The following DICER1 variants were observed in gnomAD, a reference collection of about 807,000 sequenced individuals.
DICER1 encodes endoribonuclease Dicer.
Under a neutral mutation model 194.1 loss-of-function variants are expected in DICER1, and 43 were observed. The ratio of observed to expected loss-of-function variants is 0.22; its 90% CI spans 0.17 to 0.29. DICER1 has a LOEUF of 0.29. DICER1 is among the 10% of genes least tolerant of loss of function. The pLI is 1.00. For synonymous variants in DICER1, 832 were observed against 820.5 expected (o/e 1.01, Z -0.24); for missense variants, 1,608 against 2,317.0 (o/e 0.69, Z 6.28).
chr14:95,146,503 G>T (rs892179950), intron 1 of DICER1, among the ~76,000 whole-genome samples: 4 of 152,150 alleles, frequency 2.6e-5, no homozygotes, highest in Admixed American at 6.5e-5. Flanking sequence ...AACCACCCCC[G>T]CATCCCCTTT....
chr14:95,150,578 G>A (rs73331565), intron 1 of DICER1, among the ~76,000 whole-genome samples: 5,056 of 152,298 alleles, frequency 0.033, 308 homozygotes, highest in African/African-American at 0.12. Context: ...AGGAATGACA[G>A]AAAAGTCACC....
intron 22 of DICER1, among the ~76,000 whole-genome samples, chr14:95,099,513 T>G (rs550728727): frequency 9.9e-4 from 150 of 152,082 alleles, no homozygotes; most frequent in African/African-American, 3.5e-3. Context: ...AGTCAAAACA[T>G]CACATACTCT....
intron 4 of DICER1, 77 bp from the exon 5 acceptor site, chr14:95,130,269 G>T: frequency 7.1e-7 from 1 of 1,400,636 alleles, no homozygotes; most frequent in Non-Finnish European, 1.0e-6. Context: ...AGATCATAGA[G>T]CCATTGTATC....
chr14:95,124,125 T>G lies in DICER1; in HGVS notation c.1376+71A>C, dbSNP rs1893174853. ...CCCTCATGCTAGCTCTTACAGCTGCTGCAGCGCATCACATCACAACACAGG... is the reference window on the plus strand; with the variant it reads ...CCCTCATGCTAGCTCTTACAGCTGCGGCAGCGCATCACATCACAACACAGG... On this transcript the variant is annotated intron_variant, in intron 8 of 26. Coordinates refer to ENST00000343455, the MANE Select transcript of DICER1 (RefSeq NM_177438.3). The surrounding 1 kb of genome is among the most constrained non-coding windows in gnomAD (Gnocchi z 4.5). 8.9e-7 allele frequency: 1 copy of G among 1,127,302 alleles called. No individual in the cohort carries two copies. Among genetic ancestry groups the G allele is most frequent in the Non-Finnish European group, 1.3e-6 (1 of 750,648 alleles). 69.8% of individuals were successfully genotyped at this position (1,127,302 alleles called of 1,614,324 possible).
At chr14:95,133,539 TGC>T in intron 1 of DICER1, 36 bp from the exon 2 acceptor site, 3 of 1,451,086 alleles carry the variant, frequency 2.1e-6, no homozygotes. Context: ...TACACAATCA[TGC>T]AGGGTTAAAA....
At chr14:95,141,033 A>G (rs1174873916) in intron 1 of DICER1, 7 of 152,350 alleles carry the variant, frequency 4.6e-5, no homozygotes, top group Non-Finnish European at 7.4e-5. Flanking sequence ...CAAAGCTAAT[A>G]TAAGGAAATC....
chr14:95,108,074 T>C lies in DICER1; in HGVS notation c.2456A>G (p.Tyr819Cys), dbSNP rs1891612740. The change falls in exon 16 of 27, where the codon TAC (tyrosine) becomes TGC (cysteine). Residue 819 changes from tyrosine (Y) to cysteine (C), a missense_variant. By Grantham distance (194) the Tyr-to-Cys change is radical. Around this residue, in one of 10 missense-constraint regions of DICER1, gnomAD observed 150 missense variants for 216.0 expected, o/e 0.69. Coordinates refer to ENST00000343455, the MANE Select transcript of DICER1 (RefSeq NM_177438.3). ...PIPQIPHFPV[Y>C]TRSGEVTISI... ...TATGGTAACCTCTCCAGAGCGTGTG[T>C]ACACAGGAAAGTGTGGAATCTTAGC... 6.2e-7 allele frequency: 1 copy of C among 1,613,404 alleles called. No homozygotes were observed. The highest frequency in any genetic ancestry group is 2.2e-5 in the East Asian group (1 of 44,852).
chr14:95,099,118 G>T (rs1890626100), intron 22 of DICER1, among the ~76,000 whole-genome samples: 1 of 152,160 alleles, frequency 6.6e-6, no homozygotes. Context: ...TTCGGAAGAG[G>T]CACTAGAACT....
chr14:95,131,804 CA>C lies in DICER1; in HGVS notation c.308-166del, dbSNP rs1473307483. Among the ~76,000 whole-genome samples the C allele has an allele frequency of 3.3e-5, 5 of 152,132 alleles. No homozygotes were observed. The East Asian group carries it at 7.7e-4, about 23-fold the overall frequency. ...AAACCACAGTTCCAAGGTTATCCTC[CA>C]AAAAAATGGCACCTACTAGACTTGC... On this transcript the variant is annotated intron_variant, in intron 3 of 26. Transcript: ENST00000343455.
rs1893175876 is a variant in DICER1, at chr14:95,124,130, C to G, written c.1376+66G>C. ...ATGCTAGCTCTTACAGCTGCTGCAG[C>G]GCATCACATCACAACACAGGACGCC... On this transcript the variant is annotated intron_variant, in intron 8 of 26. Transcript: ENST00000343455. This position sits in a 1 kb window ranked among gnomAD's most constrained non-coding sequence, Gnocchi z 4.5. 8.6e-7 allele frequency: 1 copy of G among 1,168,210 alleles called. No homozygotes were observed. Among genetic ancestry groups the G allele is most frequent in the East Asian group, 2.4e-5 (1 of 42,522 alleles). 72.4% of individuals were successfully genotyped at this position (1,168,210 alleles called of 1,614,324 possible).
intron 22 of DICER1, 43 bp downstream of exon 22, chr14:95,099,737 C>T (rs1409412970): frequency 2.7e-5 from 14 of 522,648 alleles, no homozygotes; most frequent in Non-Finnish European, 3.6e-5. Flanking sequence ...CAGTTACACA[C>T]ACACACACAC....
At chr14:95,129,710 C>T in intron 5 of DICER1, 78 bp from the exon 6 acceptor site, 1 of 1,344,508 alleles carries the variant, frequency 7.4e-7, no homozygotes, top group Non-Finnish European at 1.0e-6. Flanking sequence ...CATATTAAAA[C>T]ATATCAAAAT....
At chr14:95,150,660 C>T (rs1895453945) in intron 1 of DICER1, among the ~76,000 whole-genome samples, 1 of 152,150 alleles carries the variant, frequency 6.6e-6, no homozygotes, top group South Asian at 2.1e-4. Flanking sequence ...GTGAAGGTTA[C>T]TAAAGAATAT....
rs754507255 is a variant in DICER1, at chr14:95,105,834, T to C, written c.2988-51A>G. Reference sequence around the variant, plus strand: ...TCAAACACACAAAAATGAGTACATATTCACAGTGGTTCTCCAAAAACCACC... The same window carrying C: ...TCAAACACACAAAAATGAGTACATACTCACAGTGGTTCTCCAAAAACCACC... On this transcript the variant is annotated intron_variant, in intron 18 of 26. Coordinates refer to ENST00000343455, the MANE Select transcript of DICER1 (RefSeq NM_177438.3). The surrounding 1 kb of genome is among the most constrained non-coding windows in gnomAD (Gnocchi z 4.9). The C allele has an allele frequency of 6.6e-7, 1 of 1,522,530 alleles. No homozygotes were observed. The highest frequency in any genetic ancestry group is 1.7e-5 in the Admixed American group (1 of 59,566). The allele number at this position is 1,522,530 out of a possible 1,614,324, so 94.3% of individuals were successfully genotyped here.
At chr14:95,138,974 AAT>A (rs1399503367) in intron 1 of DICER1, among the ~76,000 whole-genome samples, 644 of 48,716 alleles carry the variant, frequency 0.013, 12 homozygotes, top group South Asian at 0.042. Context: ...TAATAAAAAA[AAT>A]AAAAATAAAT....
chr14:95,105,980 T>C lies in DICER1; in HGVS notation c.2987+61A>G. 1 of 1,564,354 alleles carries C rather than the reference T, an allele frequency of 6.4e-7. No homozygotes were observed. Among genetic ancestry groups the C allele is most frequent in the South Asian group, 1.1e-5 (1 of 89,682 alleles). On this transcript the variant is annotated intron_variant, in intron 18 of 26. Transcript: ENST00000343455. This position sits in a 1 kb window ranked among gnomAD's most constrained non-coding sequence, Gnocchi z 4.9. ...GGGGGACAGTGAACCTCTGCATGTCTAGTGATGTCTGGTAAGAATCCCTCA... is the reference window on the plus strand; with the variant it reads ...GGGGGACAGTGAACCTCTGCATGTCCAGTGATGTCTGGTAAGAATCCCTCA...
chr14:95,125,555 G>GGGAGGGAGAGGGGGAAGGTGGGA lies in DICER1; in HGVS notation c.904-888_904-887insTCCCACCTTCCCCCTCTCCCTCC, dbSNP rs1270179270. Among the ~76,000 whole-genome samples, 279 of 92,884 alleles carry GGGAGGGAGAGGGGGAAGGTGGGA rather than the reference G, an allele frequency of 3.0e-3. 15 individuals are homozygous for GGGAGGGAGAGGGGGAAGGTGGGA. Among genetic ancestry groups the GGGAGGGAGAGGGGGAAGGTGGGA allele is most frequent in the African/African-American group, 0.015 (265 of 17,658 alleles). 60.9% of individuals were successfully genotyped at this position (92,884 alleles called of 152,430 possible). A position where few individuals can be genotyped will look rare whatever the true frequency, so the allele number is the denominator to read the frequency against. On this transcript the variant is annotated intron_variant, in intron 7 of 26. Transcript: ENST00000343455. ...GAGAGAGGGAGAGGGAGAAGGTCGG[G>GGGAGGGAGAGGGGGAAGGTGGGA]GGAGGGAGAGGGGAAAGGTGGGGGA...
intron 1 of DICER1, among the ~76,000 whole-genome samples, chr14:95,144,332 A>G (rs1442778515): frequency 1.3e-5 from 2 of 151,474 alleles, no homozygotes; most frequent in African/African-American, 2.4e-5. Context: ...CTTTGTACCT[A>G]TCTTTCTTTT....
chr14:95,107,594 A>G lies in DICER1; in HGVS notation c.2804+14T>C, dbSNP rs372672545. On this transcript the variant is annotated intron_variant, in intron 17 of 26. Transcript: ENST00000343455. ...AAGTATCACCACCATTTTCCTTTCC[A>G]TTTAAATACCTACCTTGGAATGATA... 6.2e-6 allele frequency: 10 copies of G among 1,613,494 alleles called. No homozygotes were observed. In the African/African-American group the frequency reaches 1.1e-4, roughly 17 times the overall value.
Sources: allele counts gnomAD v4.1 joint callset (sites outside exome capture counted in the v4.1 genomes callset), GRCh38; gene constraint gnomAD v4.1.1; regional missense constraint gnomAD v4.1.1; non-coding constraint Gnocchi (gnomAD v3.1); transcripts MANE v1.5; gene names NCBI Gene and HGNC (gene_info 2026-07-23, HGNC 2026-07-21).